LRRC7: variants seen among roughly 807,000 people sequenced by gnomAD.
The protein encoded by LRRC7 is leucine-rich repeat-containing protein 7.
A neutral mutation model predicts 175.7 loss-of-function variants in LRRC7; 23 were observed. That is an observed-to-expected ratio of 0.13 (90% CI 0.09 to 0.19). The LOEUF (loss-of-function observed/expected upper bound fraction) is 0.19. LRRC7 is among the 10% of genes least tolerant of loss of function. The pLI is 1.00. For missense variants in LRRC7, 1,354 were observed against 1,904.7 expected, an observed-to-expected ratio of 0.71 and a Z score of 5.38; for synonymous variants, 685 against 680.9, an observed-to-expected ratio of 1.01 and a Z score of -0.09.
At chr1:70,082,782 T>TC (rs369613964) in intron 24 of LRRC7, among the ~76,000 whole-genome samples, 1,874 of 48,294 alleles carry the variant, frequency 0.039, 620 homozygotes, top group African/African-American at 0.19. Flanking sequence ...TACCAGTACA[T>TC]TTTTTTTTTT....
At position 70,143,024 on chromosome 1, in the gene LRRC7, A is replaced by G. The variant is rs1187441213; in HGVS notation, c.*21137A>G. The G allele has an allele frequency of 1.3e-5, 2 of 152,086 alleles. No individual in the cohort carries two copies. Among genetic ancestry groups the G allele is most frequent in the Non-Finnish European group, 2.9e-5 (2 of 67,982 alleles). 9.4% of individuals were successfully genotyped at this position (152,086 alleles called of 1,614,324 possible). A position where few individuals can be genotyped will look rare whatever the true frequency, so the allele number is the denominator to read the frequency against. ...CTATAAAGAAGTTCTACTTCTACCT[A>G]TATGAATTTGTATTTTCCCATATGC... On this transcript the variant is annotated 3_prime_UTR_variant, in exon 27 of 27. Coordinates refer to ENST00000651989, the MANE Select transcript of LRRC7 (RefSeq NM_001370785.2).
At chr1:70,019,638 T>A (rs1028499079) in intron 15 of LRRC7, among the ~76,000 whole-genome samples, 1 of 152,038 alleles carries the variant, frequency 6.6e-6, no homozygotes, top group African/African-American at 2.4e-5. Context: ...TTATAATAAA[T>A]GACTTTAGTC....
chr1:69,947,834 A>G (rs1649501894), intron 8 of LRRC7, among the ~76,000 whole-genome samples: 2 of 152,144 alleles, frequency 1.3e-5, no homozygotes, highest in African/African-American at 4.8e-5. Context: ...TAGGCACAAT[A>G]AAAGACTAAC....
intron 1 of LRRC7, among the ~76,000 whole-genome samples, chr1:69,575,273 C>T (rs1448092868): frequency 6.6e-6 from 1 of 152,118 alleles, no homozygotes; most frequent in African/African-American, 2.4e-5. Flanking sequence ...CTACTGGGGT[C>T]TCTTACACCC....
chr1:69,848,520 T>C (rs1170904032), intron 7 of LRRC7, among the ~76,000 whole-genome samples: 1 of 152,036 alleles, frequency 6.6e-6, no homozygotes, highest in African/African-American at 2.4e-5. Context: ...TGCTTTGATT[T>C]TTACTTTTAT....
intron 1 of LRRC7, among the ~76,000 whole-genome samples, chr1:69,645,228 C>CT (rs1654839625): frequency 6.6e-6 from 1 of 151,892 alleles, no homozygotes; most frequent in Non-Finnish European, 1.5e-5. Context: ...ATAAAGCCAA[C>CT]TACCTGAACT....
chr1:69,819,577 C>CTGTGTG (rs71071379), intron 4 of LRRC7, among the ~76,000 whole-genome samples: 2,066 of 114,898 alleles, frequency 0.018, 32 homozygotes, highest in South Asian at 0.084. Context: ...CTCTCTCTCT[C>CTGTGTG]TGTGTGTGTG....
intron 25 of LRRC7, among the ~76,000 whole-genome samples, chr1:70,097,568 G>A (rs953580530): frequency 2.0e-5 from 3 of 149,820 alleles, no homozygotes; most frequent in African/African-American, 4.9e-5. Flanking sequence ...CCACTAACTC[G>A]TCATCTAGCA....
At chr1:69,791,453 A>G (rs940130185) in intron 3 of LRRC7, among the ~76,000 whole-genome samples, 1 of 151,998 alleles carries the variant, frequency 6.6e-6, no homozygotes, top group Admixed American at 6.6e-5. Flanking sequence ...AATACTTTGG[A>G]CTGATGGCAG....
intron 8 of LRRC7, among the ~76,000 whole-genome samples, chr1:69,974,994 A>G (rs1479981030): frequency 6.6e-6 from 1 of 152,206 alleles, no homozygotes; most frequent in Non-Finnish European, 1.5e-5. Context: ...AATTATTATC[A>G]GATTATTTAT....
intron 18 of LRRC7, among the ~76,000 whole-genome samples, chr1:70,030,449 A>C (rs1182560005): frequency 6.6e-6 from 1 of 152,190 alleles, no homozygotes; most frequent in Non-Finnish European, 1.5e-5. Flanking sequence ...GCAAAGAGGA[A>C]CTGTTGCTTT....
intron 2 of LRRC7, among the ~76,000 whole-genome samples, chr1:69,751,876 T>C (rs12404411): frequency 0.075 from 11,453 of 152,170 alleles, 559 homozygotes; most frequent in Middle Eastern, 0.15. Context: ...TGATTTCATG[T>C]TTATTTGCTG....
At chr1:69,926,041 C>A (rs534645402) in intron 7 of LRRC7, among the ~76,000 whole-genome samples, 30 of 152,052 alleles carry the variant, frequency 2.0e-4, no homozygotes, top group African/African-American at 7.2e-4. Flanking sequence ...TTTATTTCTG[C>A]CTTCATTTTG....
intron 1 of LRRC7, among the ~76,000 whole-genome samples, chr1:69,656,448 A>G (rs753517778): frequency 6.6e-6 from 1 of 152,000 alleles, no homozygotes; most frequent in Non-Finnish European, 1.5e-5. Context: ...CATTTGTCAT[A>G]TGAGTTTGTA....
intron 1 of LRRC7, among the ~76,000 whole-genome samples, chr1:69,641,786 A>G (rs1654254850): frequency 6.6e-6 from 1 of 151,798 alleles, no homozygotes; most frequent in African/African-American, 2.4e-5. Context: ...TGTACATAGC[A>G]TTGCTTGATA....
rs531425176 is a variant in LRRC7 at position 69,617,900 on chromosome 1, A to G, written c.2+49259A>G. 8.0e-4 allele frequency among the ~76,000 whole-genome samples: 122 copies of G among 152,206 alleles called. No homozygotes were observed. The Middle Eastern group carries it at 0.014, about 17-fold the overall frequency. On this transcript the variant is annotated intron_variant, in intron 1 of 26. Transcript: ENST00000651989. ...CTGCAGCCCACAAACTAAAAAGAGAAGTAATCCAAAGCCCCATACATGATG... is the reference window on the plus strand; with the variant it reads ...CTGCAGCCCACAAACTAAAAAGAGAGGTAATCCAAAGCCCCATACATGATG...
At chr1:69,579,070 A>C (rs1422428029) in intron 1 of LRRC7, among the ~76,000 whole-genome samples, 1 of 152,152 alleles carries the variant, frequency 6.6e-6, no homozygotes, top group Non-Finnish European at 1.5e-5. Flanking sequence ...TTAACAATGG[A>C]AACAATAGCA....
intron 7 of LRRC7, among the ~76,000 whole-genome samples, chr1:69,922,408 T>G (rs146943226): frequency 2.4e-4 from 37 of 152,302 alleles, no homozygotes; most frequent in Middle Eastern, 3.4e-3. Context: ...TACCTCTCCT[T>G]TTTGTTCTCT....
intron 6 of LRRC7, among the ~76,000 whole-genome samples, chr1:69,837,567 A>G (rs1218805777): frequency 4.0e-5 from 6 of 151,834 alleles, no homozygotes; most frequent in Non-Finnish European, 7.4e-5. Context: ...TTTTAACTCT[A>G]TGCTATAGTA....
Sources: allele counts gnomAD v4.1 joint callset (sites outside exome capture counted in the v4.1 genomes callset), GRCh38; gene constraint gnomAD v4.1.1; transcripts MANE v1.5; gene names NCBI Gene and HGNC (gene_info 2026-07-23, HGNC 2026-07-21).